The following PARP15 variants were observed in gnomAD, a reference collection of about 807,000 sequenced individuals.
PARP15 encodes the protein protein mono-ADP-ribosyltransferase PARP15.
PARP15 carries 50 observed loss-of-function variants against 62.1 expected under a neutral mutation model. The observed-to-expected ratio is 0.81, with a 90% CI of 0.64 to 1.02. PARP15 has a LOEUF of 1.02. PARP15 is among the 50% of genes least tolerant of loss of function. The probability of loss-of-function intolerance (pLI) is 0.00; values close to 1 mark genes in which losing one functional copy is unlikely to be tolerated. For missense variants in PARP15, 820 were observed against 826.5 expected (o/e 0.99, Z 0.10); for synonymous variants, 309 against 293.1 (o/e 1.05, Z -0.55).
At chr3:122,594,038 T>C (rs1443027669) in intron 1 of PARP15, among the ~76,000 whole-genome samples, 1 of 152,136 alleles carries the variant, frequency 6.6e-6, no homozygotes, top group Non-Finnish European at 1.5e-5. Context: ...AAGAATGAAA[T>C]TGGGGGTTAG....
chr3:122,625,243 C>G (rs113148265), intron 8 of PARP15, among the ~76,000 whole-genome samples: 6,478 of 106,630 alleles, frequency 0.061, 330 homozygotes, highest in African/African-American at 0.18. Flanking sequence ...TGTTGTTGTT[C>G]TTTGTTTGTT....
At chr3:122,581,814 A>C (rs754374072) in intron 1 of PARP15, among the ~76,000 whole-genome samples, 99 of 152,204 alleles carry the variant, frequency 6.5e-4, no homozygotes, top group Non-Finnish European at 8.7e-4. Flanking sequence ...TCATTGCCAA[A>C]TTCAATGCCA....
rs533086355 is a variant in PARP15 at position 122,635,986 on chromosome 3, C to G, written c.1923C>G (p.His641Gln). The change falls in exon 12 of 12, where the codon CAC becomes CAG. Residue 641 changes from histidine to glutamine, a missense_variant. Transcript: ENST00000464300. ...TCACCCCTCCACCCAAGAATCCTCACAATCCCACAGATCTCTTTGACTCAG... is the reference window on the plus strand; with the variant it reads ...TCACCCCTCCACCCAAGAATCCTCAGAATCCCACAGATCTCTTTGACTCAG... The part of the protein sequence containing the change: ...GLVTPPPKNP[H>Q]NPTDLFDSVT... 6.2e-7 allele frequency: 1 copy of G among 1,614,140 alleles called. No individual in the cohort carries two copies. Among genetic ancestry groups the G allele is most frequent in the Non-Finnish European group, 8.5e-7 (1 of 1,180,012 alleles).
chr3:122,615,562 T>C (rs1935905315), intron 4 of PARP15: 1 of 1,196,090 alleles, frequency 8.4e-7, no homozygotes. Flanking sequence ...GCCTGGACAG[T>C]GTTAGTTTAC....
chr3:122,594,612 A>C (rs1169232994), intron 1 of PARP15: 16 of 940,316 alleles, frequency 1.7e-5, no homozygotes, highest in Non-Finnish European at 2.0e-5. Flanking sequence ...ACGTTGTGAA[A>C]TCTAACTTTA....
intron 1 of PARP15, among the ~76,000 whole-genome samples, chr3:122,580,072 T>G (rs1434573305): frequency 6.8e-6 from 1 of 148,088 alleles, no homozygotes; most frequent in Non-Finnish European, 1.5e-5. Context: ...GACATTTGTC[T>G]TATGGACACA....
intron 1 of PARP15, among the ~76,000 whole-genome samples, chr3:122,588,864 G>A (rs1027192798): frequency 6.6e-6 from 1 of 152,116 alleles, no homozygotes; most frequent in African/African-American, 2.4e-5. Flanking sequence ...CTTTCACTTA[G>A]CATGTTTTTT....
chr3:122,613,022 T>C lies in PARP15; in HGVS notation c.544-19T>C. The C allele has an allele frequency of 5.8e-6, 9 of 1,539,142 alleles. No homozygotes were observed. Among genetic ancestry groups the C allele is most frequent in the African/African-American group, 1.4e-5 (1 of 72,886 alleles). The stretch of plus-strand genomic sequence containing the variant: ...TAGCTTAAGCCCTAACTTATGTAAA[T>C]GTACTTTGCACATTTCAGATCATGG... On this transcript the variant is annotated intron_variant, in intron 3 of 11. Transcript: ENST00000464300.
At chr3:122,626,796 A>G (rs775059388) in intron 8 of PARP15, 31 bp from the exon 9 acceptor site, 12 of 1,592,894 alleles carry the variant, frequency 7.5e-6, no homozygotes, top group South Asian at 1.1e-5. Context: ...ACATCGGGGG[A>G]AACTTCTTTG....
chr3:122,590,277 AATAT>A (rs1462952935), intron 1 of PARP15, among the ~76,000 whole-genome samples: 1 of 151,526 alleles, frequency 6.6e-6, no homozygotes, highest in African/African-American at 2.4e-5. Flanking sequence ...AGTTCCAAAT[AATAT>A]ATATATTTTG....
At chr3:122,580,037 GCA>G (rs1429559609) in intron 1 of PARP15, among the ~76,000 whole-genome samples, 34 of 70,764 alleles carry the variant, frequency 4.8e-4, no homozygotes, top group African/African-American at 1.5e-3. Context: ...ATATATATAT[GCA>G]CGCGCGCACA....
Position 122,606,003 on chromosome 3 carries a change from C to G in PARP15, c.254C>G (p.Thr85Ser). The change falls in exon 2 of 12, where the codon ACC becomes AGC. Residue 85 changes from threonine to serine, a missense_variant. Thr to Ser is a moderately conservative substitution (Grantham distance 58). Around this residue, in one of 3 missense-constraint regions of PARP15, gnomAD observed 731 missense variants for 727.7 expected, o/e 1.00. Transcript: ENST00000464300. The stretch of plus-strand genomic sequence containing the variant: ...AGGAATGTTGTAGCTTCAATCCAAA[C>G]CAAAGAAGGTCTGAATCTCAAGTTG... ...SIRNVVASIQTKEGLNLKLIS... is the reference protein window; with the variant it reads ...SIRNVVASIQSKEGLNLKLIS... 1 of 1,551,978 alleles carries G rather than the reference C, an allele frequency of 6.4e-7. No homozygotes were observed. Among genetic ancestry groups the G allele is most frequent in the Non-Finnish European group, 8.7e-7 (1 of 1,146,950 alleles).
At chr3:122,623,005 G>T (rs1936447687) in intron 8 of PARP15, among the ~76,000 whole-genome samples, 1 of 152,042 alleles carries the variant, frequency 6.6e-6, no homozygotes. Context: ...GGTATCCCAG[G>T]TCCCTCTCGT....
chr3:122,610,405 A>G, intron 2 of PARP15, 89 bp from the exon 3 acceptor site: 1 of 1,197,240 alleles, frequency 8.4e-7, no homozygotes, highest in Non-Finnish European at 1.2e-6. Context: ...ACATATCTGT[A>G]CATTACCCCA....
chr3:122,635,739 T>C (rs1937321594), intron 11 of PARP15, 72 bp from the exon 12 acceptor site: 25 of 1,494,440 alleles, frequency 1.7e-5, no homozygotes, highest in Non-Finnish European at 2.2e-5. Flanking sequence ...AACAATTTTG[T>C]CAGATTGGGC....
chr3:122,635,419 C>CT lies in PARP15; in HGVS notation c.1747+235dup, dbSNP rs35594885. ...AACGTGCAGTTTTTTTTTTAATGGGCTTTTTTTTTTAGACGGTCTCATTCT... is the reference window on the plus strand; with the variant it reads ...AACGTGCAGTTTTTTTTTTAATGGGCTTTTTTTTTTTAGACGGTCTCATTCT... On this transcript the variant is annotated intron_variant, in intron 11 of 11. Coordinates refer to ENST00000464300, the MANE Select transcript of PARP15 (RefSeq NM_001113523.3). 5.6e-3 allele frequency among the ~76,000 whole-genome samples: 810 copies of CT among 145,142 alleles called. 9 individuals are homozygous for CT. Among genetic ancestry groups the CT allele is most frequent in the African/African-American group, 0.016 (643 of 39,534 alleles).
rs1297079795 is a variant in PARP15 at position 122,632,195 on chromosome 3, T to C, written c.1548T>C (p.Thr516=). 1 of 1,613,800 alleles carries C rather than the reference T, an allele frequency of 6.2e-7. No homozygotes were observed. Among genetic ancestry groups the C allele is most frequent in the East Asian group, 2.2e-5 (1 of 44,866 alleles). ...CCATAAAGGACAAGTTCACCCGAAC[T>C]TGTTCTTCCTACGCAATAGAGAAGG... ...YNTIKDKFTR[T]CSSYAIEKIE... Residue 516 remains threonine (T), a synonymous_variant, in exon 10 of 12, where the codon ACT becomes ACC. Coordinates refer to ENST00000464300, the MANE Select transcript of PARP15 (RefSeq NM_001113523.3).
Position 122,621,446 on chromosome 3 carries a change from G to T in PARP15, c.1066G>T (p.Ala356Ser). 1 of 1,600,044 alleles carries T rather than the reference G, an allele frequency of 6.2e-7. No individual in the cohort carries two copies. Among genetic ancestry groups the T allele is most frequent in the East Asian group, 2.2e-5 (1 of 44,706 alleles). The change falls in exon 8 of 12, where the codon GCA (alanine) becomes TCA (serine). Residue 356 changes from alanine (A) to serine (S), a missense_variant and splice_region_variant. Transcript: ENST00000464300. ...AVESECAVLA[A>S]QPHRDFIITP... is the part of the protein sequence containing the mutation. ...TGTTTTTCTTTCCTTTTTTTCAGCTGCACAGCCTCACAGAGATTTTATAAT... is the reference window on the plus strand; with the variant it reads ...TGTTTTTCTTTCCTTTTTTTCAGCTTCACAGCCTCACAGAGATTTTATAAT...
At chr3:122,592,618 TAAA>T (rs59791124) in intron 1 of PARP15, among the ~76,000 whole-genome samples, 1 of 146,824 alleles carries the variant, frequency 6.8e-6, no homozygotes, top group Non-Finnish European at 1.5e-5. Context: ...AAATTAAAAT[TAAA>T]AAAAAAAAAA....
Sources: allele counts gnomAD v4.1 joint callset (sites outside exome capture counted in the v4.1 genomes callset), GRCh38; gene constraint gnomAD v4.1.1; regional missense constraint gnomAD v4.1.1; transcripts MANE v1.5; gene names NCBI Gene and HGNC (gene_info 2026-07-23, HGNC 2026-07-21).